WIPF2: variants seen among roughly 807,000 people sequenced by gnomAD.
WIPF2 encodes WAS/WASL-interacting protein family member 2.
Under a neutral mutation model 38.8 loss-of-function variants are expected in WIPF2, and 23 were observed. The observed-to-expected ratio is 0.59, with a 90% CI of 0.43 to 0.84. The LOEUF (loss-of-function observed/expected upper bound fraction) is 0.84. Ranked by LOEUF, WIPF2 falls within the 40% of genes least tolerant of loss-of-function variation. WIPF2 has a pLI of 0.00. For missense variants in WIPF2, 574 were observed against 580.5 expected, an observed-to-expected ratio of 0.99 and a Z score of 0.11; for synonymous variants, 210 against 223.2, an observed-to-expected ratio of 0.94 and a Z score of 0.53.
intron 5 of WIPF2, among the ~76,000 whole-genome samples, chr17:40,267,000 C>T (rs2032109198): frequency 6.6e-6 from 1 of 151,994 alleles, no homozygotes; most frequent in Non-Finnish European, 1.5e-5. Context: ...AAAGCAAGAG[C>T]ATCAGCTGTG....
In WIPF2 at chr17:40,223,599, G is replaced by GTT. The variant is rs527827847; in HGVS notation, c.-70+4124_-70+4125dup. Reference sequence around the variant, plus strand: ...TGTTGAAGAGAAAATTTTTTTTTGGGTTTTTTTTTTTTTTTTTTGAGACGG... The same window carrying GTT: ...TGTTGAAGAGAAAATTTTTTTTTGGGTTTTTTTTTTTTTTTTTTTTGAGACGG... On this transcript the variant is annotated intron_variant, in intron 1 of 7. Coordinates refer to ENST00000323571, the MANE Select transcript of WIPF2 (RefSeq NM_133264.5). 2.0e-3 allele frequency among the ~76,000 whole-genome samples: 254 copies of GTT among 130,248 alleles called. 2 individuals carry two copies. The highest frequency in any genetic ancestry group is 3.1e-3 in the East Asian group (14 of 4,502). 85.4% of individuals were successfully genotyped at this position (130,248 alleles called of 152,430 possible). A position where few individuals can be genotyped will look rare whatever the true frequency, so the allele number is the denominator to read the frequency against.
intron 1 of WIPF2, among the ~76,000 whole-genome samples, chr17:40,246,863 A>G (rs1193687450): frequency 2.0e-5 from 3 of 151,510 alleles, no homozygotes; most frequent in African/African-American, 7.3e-5. Context: ...CTGTAATCCC[A>G]GACTTTGGGA....
intron 1 of WIPF2, among the ~76,000 whole-genome samples, chr17:40,223,626 G>GTC (rs1223966357): frequency 7.0e-6 from 1 of 142,598 alleles, no homozygotes; most frequent in Admixed American, 7.2e-5. Context: ...TTGAGACGGA[G>GTC]TCTCGCTCAG....
At chr17:40,263,410 G>A (rs373736709) in intron 4 of WIPF2, among the ~76,000 whole-genome samples, 38 of 152,248 alleles carry the variant, frequency 2.5e-4, no homozygotes, top group African/African-American at 8.9e-4. Context: ...CTCACCTTCT[G>A]TGTGCCCTGT....
intron 5 of WIPF2, among the ~76,000 whole-genome samples, chr17:40,270,915 A>G (rs2032232927): frequency 7.5e-6 from 1 of 132,868 alleles, no homozygotes; most frequent in Admixed American, 7.6e-5. Context: ...TTATTCTATT[A>G]CTGTGTTACA....
At chr17:40,259,130 G>A (rs952763578) in intron 2 of WIPF2, among the ~76,000 whole-genome samples, 8 of 147,400 alleles carry the variant, frequency 5.4e-5, no homozygotes, top group African/African-American at 2.0e-4. Context: ...CCTTTTGCCT[G>A]GGCCTCCCAA....
chr17:40,249,937 A>G (rs867642232), intron 1 of WIPF2, among the ~76,000 whole-genome samples: 17 of 149,720 alleles, frequency 1.1e-4, no homozygotes, highest in Middle Eastern at 7.1e-3. Flanking sequence ...GGTTCAAGCA[A>G]TTCTCCTGCC....
chr17:40,253,252 C>T (rs1160930541), intron 1 of WIPF2, among the ~76,000 whole-genome samples: 2 of 151,362 alleles, frequency 1.3e-5, no homozygotes, highest in Non-Finnish European at 2.9e-5. Flanking sequence ...TTAGTAGAGA[C>T]AGGGTTTCAC....
chr17:40,222,665 T>TG (rs1238941920), intron 1 of WIPF2, among the ~76,000 whole-genome samples: 22 of 91,230 alleles, frequency 2.4e-4, no homozygotes, highest in African/African-American at 1.0e-3. Context: ...TTTTTTTTTT[T>TG]TTTTTTTTTT....
intron 2 of WIPF2, 86 bp downstream of exon 2, chr17:40,256,608 C>A (rs1434479259): frequency 6.8e-7 from 1 of 1,477,010 alleles, no homozygotes; most frequent in African/African-American, 1.5e-5. Context: ...CTTTTAACTC[C>A]TTTTGGTTAA....
chr17:40,263,745 G>T (rs1049006690), intron 4 of WIPF2, among the ~76,000 whole-genome samples: 38 of 151,624 alleles, frequency 2.5e-4, no homozygotes, highest in African/African-American at 9.2e-4. Flanking sequence ...GTTTCACCAT[G>T]TTGGCCAGGC....
At chr17:40,262,672 C>T (rs989702503) in intron 4 of WIPF2, 31 bp downstream of exon 4, 1 of 1,577,052 alleles carries the variant, frequency 6.3e-7, no homozygotes, top group African/African-American at 1.3e-5. Context: ...CAGGGTATTT[C>T]CCTGGTGTGT....
rs941441949 is a variant in WIPF2 at position 40,248,172 on chromosome 17, T to C, written c.-69-8219T>C. On this transcript the variant is annotated intron_variant, in intron 1 of 7. Coordinates refer to ENST00000323571, the MANE Select transcript of WIPF2 (RefSeq NM_133264.5). ...AATTTAAAAGTTATTTCTTTTTTTT[T>C]TTTTTTTTTTTTTTTTTTGAGACTC... Among the ~76,000 whole-genome samples, 194 of 136,472 alleles carry C rather than the reference T, an allele frequency of 1.4e-3. 3 individuals are homozygous for C. In the South Asian group the frequency reaches 0.045, roughly 31 times the overall value. 89.5% of individuals were successfully genotyped at this position (136,472 alleles called of 152,430 possible).
chr17:40,236,526 G>A (rs940620243), intron 1 of WIPF2, among the ~76,000 whole-genome samples: 5 of 148,954 alleles, frequency 3.4e-5, no homozygotes, highest in African/African-American at 7.4e-5. Flanking sequence ...GGCTGGTCTC[G>A]AACTCCTGGC....
In WIPF2 at chr17:40,279,496, G is replaced by T. The variant is rs2032498544; in HGVS notation, c.*1271G>T. 1 of 152,714 alleles carries T rather than the reference G, an allele frequency of 6.5e-6. No homozygotes were observed. The highest frequency in any genetic ancestry group is 2.4e-5 in the African/African-American group (1 of 41,474). 9.5% of individuals were successfully genotyped at this position (152,714 alleles called of 1,614,324 possible). A position where few individuals can be genotyped will look rare whatever the true frequency, so the allele number is the denominator to read the frequency against. On this transcript the variant is annotated 3_prime_UTR_variant, in exon 8 of 8. Coordinates refer to ENST00000323571, the MANE Select transcript of WIPF2 (RefSeq NM_133264.5). ...CTATGCCAGGAAGCACAAAGACTTT[G>T]TTGAGATTTGCCTCAGTTCAGTAGA...
At chr17:40,234,981 C>T (rs1043375066) in intron 1 of WIPF2, among the ~76,000 whole-genome samples, 2 of 151,528 alleles carry the variant, frequency 1.3e-5, no homozygotes, top group African/African-American at 2.4e-5. Context: ...CAGAGTGGCG[C>T]GATCTCAGCT....
At chr17:40,275,314 A>T (rs2145414673) in intron 6 of WIPF2, among the ~76,000 whole-genome samples, 1 of 151,482 alleles carries the variant, frequency 6.6e-6, no homozygotes, top group African/African-American at 2.4e-5. Flanking sequence ...TAGCAGTGTT[A>T]TTTTGAGGAA....
At chr17:40,237,387 T>C (rs935449659) in intron 1 of WIPF2, among the ~76,000 whole-genome samples, 2 of 151,280 alleles carry the variant, frequency 1.3e-5, no homozygotes, top group African/African-American at 4.9e-5. Flanking sequence ...ATTACAGGCG[T>C]GCGCCACAAC....
At chr17:40,268,396 T>G (rs1222726625) in intron 5 of WIPF2, among the ~76,000 whole-genome samples, 2 of 152,140 alleles carry the variant, frequency 1.3e-5, no homozygotes, top group African/African-American at 2.4e-5. Context: ...ACTTAGGGAT[T>G]TTACAAAAGA....
Sources: gnomAD v4.1 joint callset for allele counts (sites outside exome capture counted in the v4.1 genomes callset) on GRCh38, gnomAD v4.1.1 for gene constraint, MANE v1.5 for transcripts, NCBI Gene and HGNC (gene_info 2026-07-23, HGNC 2026-07-21) for gene names.